Variants in SCAPER observed in about 807,000 individuals in gnomAD.
The protein encoded by SCAPER is S phase cyclin A-associated protein in the endoplasmic reticulum.
A neutral mutation model predicts 182.2 loss-of-function variants in SCAPER; 98 were observed. The ratio of observed to expected loss-of-function variants is 0.54; its 90% confidence interval spans 0.46 to 0.64. The LOEUF (loss-of-function observed/expected upper bound fraction) is 0.64, where lower values mean the gene tolerates loss of function less well. SCAPER is among the 30% of genes least tolerant of loss of function. The probability of loss-of-function intolerance (pLI) is 0.00; values close to 1 mark genes in which losing one functional copy is unlikely to be tolerated. For synonymous variants in SCAPER, 605 were observed against 564.6 expected (o/e 1.07, Z -1.01); for missense variants, 1,432 against 1,690.0 (o/e 0.85, Z 2.68).
chr15:76,594,047 A>G lies in SCAPER; in HGVS notation c.2712-19763T>C, dbSNP rs2049323268. On this transcript the variant is annotated intron_variant, in intron 22 of 31. Transcript: ENST00000563290. Reference sequence around the variant, plus strand: ...CTCCTCTGAGCTAAAGGAGCATGATATAACCGAATGCAAGGAAGCTAAGAA... The same window carrying G: ...CTCCTCTGAGCTAAAGGAGCATGATGTAACCGAATGCAAGGAAGCTAAGAA... 1.7e-5 allele frequency among the ~76,000 whole-genome samples: 2 copies of G among 120,040 alleles called. 1 individual carries two copies. Among genetic ancestry groups the G allele is most frequent in the Non-Finnish European group, 4.0e-5 (2 of 49,718 alleles). The allele number at this position is 120,040 out of a possible 152,430, so 78.8% of individuals were successfully genotyped here. A position where few individuals can be genotyped will look rare whatever the true frequency, so the allele number is the denominator to read the frequency against.
intron 26 of SCAPER, among the ~76,000 whole-genome samples, chr15:76,421,853 T>G (rs1442655969): frequency 3.9e-5 from 6 of 152,238 alleles, no homozygotes; most frequent in Non-Finnish European, 7.3e-5. Context: ...TAGCCAGTTT[T>G]CCCAGCACCA....
At chr15:76,804,675 G>A in intron 5 of SCAPER, 42 bp from the exon 6 acceptor site, 2 of 1,312,244 alleles carry the variant, frequency 1.5e-6, no homozygotes, top group Non-Finnish European at 2.1e-6. Context: ...TCCAGTCTGA[G>A]ACTAAAAACT....
chr15:76,531,419 G>T (rs1208005122), intron 23 of SCAPER, among the ~76,000 whole-genome samples: 1 of 152,078 alleles, frequency 6.6e-6, no homozygotes, highest in Non-Finnish European at 1.5e-5. Context: ...AGGAAACTGG[G>T]GACAGTTACA....
intron 31 of SCAPER, chr15:76,350,459 G>C (rs2040468379): frequency 6.6e-6 from 1 of 151,586 alleles, no homozygotes. Flanking sequence ...GTGCCCTAAA[G>C]GGTCCTGCTG....
rs571545800 is a variant in SCAPER, at chr15:76,698,089, T to A, written c.2508+3669A>T. ...TTCAAGTAGAAAATGGGGGTAATCA[T>A]GAAAGATTTAAGTAATAAAGAACTC... On this transcript the variant is annotated intron_variant, in intron 20 of 31. Transcript: ENST00000563290. Among the ~76,000 whole-genome samples the A allele has an allele frequency of 2.0e-5, 3 of 152,116 alleles. No homozygotes were observed. In the East Asian group the frequency reaches 5.8e-4, roughly 29 times the overall value.
chr15:76,846,950 G>C (rs1002383711), intron 4 of SCAPER, among the ~76,000 whole-genome samples: 1 of 152,002 alleles, frequency 6.6e-6, no homozygotes, highest in Non-Finnish European at 1.5e-5. Context: ...TTGGAAGGAA[G>C]TGGCCATCAT....
chr15:76,607,529 C>G (rs1254346162), intron 22 of SCAPER, among the ~76,000 whole-genome samples: 23 of 152,152 alleles, frequency 1.5e-4, no homozygotes, highest in Admixed American at 1.5e-3. Flanking sequence ...ATCTTTGTGG[C>G]ATTCTCTGTA....
chr15:76,648,895 G>T (rs1017486757), intron 21 of SCAPER, among the ~76,000 whole-genome samples: 1 of 152,204 alleles, frequency 6.6e-6, no homozygotes, highest in Non-Finnish European at 1.5e-5. Context: ...AGGCAACATG[G>T]CACCAGCCAG....
At chr15:76,837,910 G>T (rs2069096477) in intron 5 of SCAPER, among the ~76,000 whole-genome samples, 1 of 152,160 alleles carries the variant, frequency 6.6e-6, no homozygotes, top group African/African-American at 2.4e-5. Context: ...ACAGATGCCG[G>T]CAAAGTTGTA....
chr15:76,444,725 T>C (rs2047873364), intron 25 of SCAPER, among the ~76,000 whole-genome samples: 1 of 152,202 alleles, frequency 6.6e-6, no homozygotes, highest in South Asian at 2.1e-4. Flanking sequence ...GAATGTTAGA[T>C]CCCATGAGTC....
chr15:76,446,725 G>A (rs922289758), intron 25 of SCAPER, among the ~76,000 whole-genome samples: 4 of 152,118 alleles, frequency 2.6e-5, no homozygotes, highest in Non-Finnish European at 5.9e-5. Context: ...ATATCCTGAA[G>A]TAGACAAATT....
intron 23 of SCAPER, among the ~76,000 whole-genome samples, chr15:76,559,340 G>C (rs1318245219): frequency 6.6e-6 from 1 of 151,498 alleles, no homozygotes; most frequent in Non-Finnish European, 1.5e-5. Context: ...ACAGTTGTGA[G>C]CCACTGCACC....
At chr15:76,712,345 GTAGTA>G (rs2059633870) in intron 17 of SCAPER, among the ~76,000 whole-genome samples, 1 of 152,144 alleles carries the variant, frequency 6.6e-6, no homozygotes, top group Non-Finnish European at 1.5e-5. Context: ...TCATAGCCTT[GTAGTA>G]TAGTTTGAAG....
intron 20 of SCAPER, among the ~76,000 whole-genome samples, chr15:76,666,208 A>T (rs1202583821): frequency 6.6e-6 from 1 of 152,220 alleles, no homozygotes; most frequent in Non-Finnish European, 1.5e-5. Flanking sequence ...AGGAAGCACC[A>T]TATCTGCTAT....
At chr15:76,351,137 A>C in intron 31 of SCAPER, 100 bp downstream of exon 31, 1 of 987,612 alleles carries the variant, frequency 1.0e-6, no homozygotes, top group Non-Finnish European at 1.5e-6. Flanking sequence ...TAGGTTATGT[A>C]TAAAATTTTA....
At chr15:76,716,650 G>C (rs1567898629) in intron 17 of SCAPER, among the ~76,000 whole-genome samples, 1 of 151,674 alleles carries the variant, frequency 6.6e-6, no homozygotes, top group Non-Finnish European at 1.5e-5. Context: ...AAGAGCTGAA[G>C]AATTCAATGA....
At position 76,384,225 on chromosome 15, in the gene SCAPER, G is replaced by T. The variant is rs8034980; in HGVS notation, c.3468-2610C>A. On this transcript the variant is annotated intron_variant, in intron 27 of 31. Transcript: ENST00000563290. Reference sequence around the variant, plus strand: ...AATAGGTTTTCAGAACCTTGAGGATGAGTGACATCACTGCTGGTGACAACA... The same window carrying T: ...AATAGGTTTTCAGAACCTTGAGGATTAGTGACATCACTGCTGGTGACAACA... Among the ~76,000 whole-genome samples the T allele has an allele frequency of 8.3e-3, 1,268 of 152,334 alleles. 12 individuals carry two copies. Among genetic ancestry groups the T allele is most frequent in the African/African-American group, 0.029 (1,204 of 41,568 alleles).
At chr15:76,762,043 C>A (rs182181663) in intron 14 of SCAPER, among the ~76,000 whole-genome samples, 1 of 152,292 alleles carries the variant, frequency 6.6e-6, no homozygotes, top group African/African-American at 2.4e-5. Flanking sequence ...CCTTCTTCCT[C>A]TCTAGGGACA....
At chr15:76,470,097 G>C (rs1009196521) in intron 25 of SCAPER, among the ~76,000 whole-genome samples, 6 of 151,914 alleles carry the variant, frequency 3.9e-5, no homozygotes, top group African/African-American at 1.5e-4. Flanking sequence ...GACTGTAAGG[G>C]CTTCATAATT....
Sources: gnomAD v4.1 joint callset for allele counts (sites outside exome capture counted in the v4.1 genomes callset) on GRCh38, gnomAD v4.1.1 for gene constraint, MANE v1.5 for transcripts, NCBI Gene and HGNC (gene_info 2026-07-23, HGNC 2026-07-21) for gene names.